ZNF444: variants seen among roughly 807,000 people sequenced by gnomAD.
ZNF444 encodes zinc finger protein 444, also known as endothelial zinc finger protein 2.
In ZNF444, 8 loss-of-function variants were observed where a neutral mutation model predicts 14.4. The observed-to-expected ratio is 0.56, with a 90% CI of 0.33 to 1.00. The LOEUF (loss-of-function observed/expected upper bound fraction) is 1.00. ZNF444 is among the 50% of genes least tolerant of loss of function. ZNF444 has a pLI of 0.03. For synonymous variants in ZNF444, 258 were observed against 235.9 expected (o/e 1.09, Z -0.86); for missense variants, 510 against 504.8 (o/e 1.01, Z -0.10).
chr19:56,153,809 C>T (rs941995131), intron 3 of ZNF444, among the ~76,000 whole-genome samples: 1 of 152,062 alleles, frequency 6.6e-6, no homozygotes, highest in African/African-American at 2.4e-5. Flanking sequence ...CGTCTCAGGT[C>T]GGAATTGAAG....
rs2031095731 is a variant in ZNF444, at chr19:56,145,202, T to C, written c.-196-1045T>C. ...TTCAAAATTACTGAAGACCCTAACA[T>C]GCTTTTATTGATGGGAGTCATATCT... On this transcript the variant is annotated intron_variant, in intron 1 of 4. Transcript: ENST00000337080. This position sits in a 1 kb window ranked among gnomAD's most constrained non-coding sequence, Gnocchi z 4.3. 1.3e-5 allele frequency among the ~76,000 whole-genome samples: 2 copies of C among 152,252 alleles called. No homozygotes were observed. The highest frequency in any genetic ancestry group is 4.8e-5 in the African/African-American group (2 of 41,460).
At chr19:56,159,363 C>T (rs537307280) in intron 4 of ZNF444, among the ~76,000 whole-genome samples, 6 of 152,086 alleles carry the variant, frequency 3.9e-5, no homozygotes, top group South Asian at 4.2e-4. Flanking sequence ...CATCCACCCA[C>T]GCATTCTTCA....
Position 56,151,883 on chromosome 19 carries a change from C to T in ZNF444, c.297+4675C>T, listed in dbSNP as rs141726426. The T allele has an allele frequency of 4.1e-3, 1,767 of 432,518 alleles. 82 individuals are homozygous for T. The East Asian group carries it at 0.1, about 25-fold the overall frequency. The allele number at this position is 432,518 out of a possible 1,614,324, so 26.8% of individuals were successfully genotyped here. A position where few individuals can be genotyped will look rare whatever the true frequency, so the allele number is the denominator to read the frequency against. On this transcript the variant is annotated intron_variant, in intron 3 of 4. Coordinates refer to ENST00000337080, the MANE Select transcript of ZNF444 (RefSeq NM_018337.4). Reference sequence around the variant, plus strand: ...TGTATAGACAGCTGACATCTGGGGGCGCTACTGTGGATTGGGGTTTCTTGG... The same window carrying T: ...TGTATAGACAGCTGACATCTGGGGGTGCTACTGTGGATTGGGGTTTCTTGG...
chr19:56,133,042 A>G (rs1247730721), intron 1 of ZNF444, among the ~76,000 whole-genome samples: 1 of 143,056 alleles, frequency 7.0e-6, no homozygotes, highest in African/African-American at 2.6e-5. Context: ...GGTTCAAGCA[A>G]TTCTTCTGCC....
chr19:56,157,875 C>T (rs950444614), intron 3 of ZNF444: 12 of 152,112 alleles, frequency 7.9e-5, no homozygotes, highest in Non-Finnish European at 1.2e-4. Flanking sequence ...TGTAGTAGGG[C>T]GAAGAAACCA....
intron 3 of ZNF444, among the ~76,000 whole-genome samples, chr19:56,152,403 C>T (rs112890191): frequency 0.03 from 4,511 of 149,260 alleles, 246 homozygotes; most frequent in African/African-American, 0.1. Context: ...TGAGGTGATT[C>T]GGGCCTCAGC....
At chr19:56,140,326 G>A (rs2030726622), upstream of ZNF444, among the ~76,000 whole-genome samples, 1 of 92 alleles carries the variant, frequency 0.011, no homozygotes, top group South Asian at 0.17. Flanking sequence ...GAACTGTCTA[G>A]ATAAAAACTT....
chr19:56,160,143 G>A lies in ZNF444; in HGVS notation c.926G>A (p.Gly309Glu), dbSNP rs898407311. Reference sequence around the variant, plus strand: ...GGCCGGGCAGCGGCCAGCGCGCAGGGGGCGGTAGCTCCGGGCCCGGATGGT... The same window carrying A: ...GGCCGGGCAGCGGCCAGCGCGCAGGAGGCGGTAGCTCCGGGCCCGGATGGT... ...IHGRAAASAQGAVAPGPDGGG... is the reference protein window; with the variant it reads ...IHGRAAASAQEAVAPGPDGGG... The change falls in exon 5 of 5, where the codon GGG (glycine) becomes GAG (glutamate). Residue 309 changes from glycine (G) to glutamate (E), a missense_variant. Transcript: ENST00000337080. 4.7e-6 allele frequency: 7 copies of A among 1,483,918 alleles called. No homozygotes were observed. Among genetic ancestry groups the A allele is most frequent in the Admixed American group, 4.7e-5 (2 of 42,578 alleles). The allele number at this position is 1,483,918 out of a possible 1,614,324, so 91.9% of individuals were successfully genotyped here.
intron 1 of ZNF444, chr19:56,141,829 T>C (rs2030842374): frequency 6.6e-6 from 1 of 152,194 alleles, no homozygotes; most frequent in Non-Finnish European, 1.5e-5. Context: ...ACGATGGTTA[T>C]TGTTGTAACG....
In ZNF444 at chr19:56,147,698, C is replaced by T. The variant is rs946291604; in HGVS notation, c.297+490C>T. On this transcript the variant is annotated intron_variant, in intron 3 of 4. Coordinates refer to ENST00000337080, the MANE Select transcript of ZNF444 (RefSeq NM_018337.4). The surrounding 1 kb of genome is among the most constrained non-coding windows in gnomAD (Gnocchi z 5.9). Reference sequence around the variant, plus strand: ...CGCCCCCTGAAAGTCAAGGATACCCCCTGGTCCAAACTCTACCCCAAATTC... The same window carrying T: ...CGCCCCCTGAAAGTCAAGGATACCCTCTGGTCCAAACTCTACCCCAAATTC... Among the ~76,000 whole-genome samples the T allele has an allele frequency of 3.3e-5, 5 of 152,082 alleles. No homozygotes were observed. Among genetic ancestry groups the T allele is most frequent in the African/African-American group, 1.2e-4 (5 of 41,414 alleles).
At chr19:56,153,432 G>T (rs1021284975) in intron 3 of ZNF444, among the ~76,000 whole-genome samples, 1 of 152,172 alleles carries the variant, frequency 6.6e-6, no homozygotes, top group Admixed American at 6.5e-5. Flanking sequence ...CTCGTTGAGG[G>T]AATGGCTAAC....
upstream of ZNF444, among the ~76,000 whole-genome samples, chr19:56,140,301 CCA>C (rs2030725202): frequency 7.5e-6 from 1 of 133,386 alleles, no homozygotes; most frequent in South Asian, 2.6e-4. Context: ...CTTGTATGAG[CCA>C]TAATCAGGTC....
chr19:56,148,352 A>C (rs528159584), intron 3 of ZNF444, among the ~76,000 whole-genome samples: 1 of 152,260 alleles, frequency 6.6e-6, no homozygotes, highest in Non-Finnish European at 1.5e-5. Flanking sequence ...CCCCAGTGGC[A>C]GGAGGGTGAA....
intron 1 of ZNF444, among the ~76,000 whole-genome samples, chr19:56,135,375 C>G (rs1454061442): frequency 6.6e-6 from 1 of 152,162 alleles, no homozygotes; most frequent in Non-Finnish European, 1.5e-5. Flanking sequence ...CAACAGACAA[C>G]TTGACTCAAA....
chr19:56,146,714 G>A (rs1211538082), intron 2 of ZNF444, among the ~76,000 whole-genome samples, 176 bp from the exon 3 acceptor site: 1 of 152,178 alleles, frequency 6.6e-6, no homozygotes, highest in African/African-American at 2.4e-5. Flanking sequence ...GCCTGAACCC[G>A]GGAGCTGAGG....
chr19:56,142,935 G>T (rs952597924), intron 1 of ZNF444, among the ~76,000 whole-genome samples: 2 of 152,148 alleles, frequency 1.3e-5, no homozygotes, highest in South Asian at 4.1e-4. Context: ...CACTCTCTGA[G>T]CATCTCCCTA....
In ZNF444 at chr19:56,159,652, G is replaced by A. The variant is rs1333563685; in HGVS notation, c.435G>A (p.Pro145=). Residue 145 remains proline (P), a synonymous_variant, in exon 5 of 5, where the codon CCG becomes CCA. Transcript: ENST00000337080. ...LAGTAPGAEG[P]APGDSQAVRP... is the part of the protein sequence containing the mutation. ...GCACCGCCCCTGGGGCTGAGGGGCC[G>A]GCGCCTGGGGACTCCCAGGCTGTGC... is the stretch of plus-strand genomic sequence containing the variant. The A allele has an allele frequency of 6.2e-6, 9 of 1,459,104 alleles. No homozygotes were observed. 90.4% of individuals were successfully genotyped at this position (1,459,104 alleles called of 1,614,324 possible).
intron 3 of ZNF444, among the ~76,000 whole-genome samples, chr19:56,153,432 G>C (rs1021284975): frequency 6.6e-6 from 1 of 152,172 alleles, no homozygotes; most frequent in Admixed American, 6.5e-5. Flanking sequence ...CTCGTTGAGG[G>C]AATGGCTAAC....
Position 56,135,230 on chromosome 19 carries a change from C to CA in ZNF444, c.-197+2460dup, listed in dbSNP as rs1038619260. ...TGGGTGACAGGGCGAGACTCTGTCTCAAAAAAAAGAAAAAAATGTCAAGAT... is the reference window on the plus strand; with the variant it reads ...TGGGTGACAGGGCGAGACTCTGTCTCAAAAAAAAAGAAAAAAATGTCAAGAT... On this transcript the variant is annotated intron_variant, in intron 1 of 2. Coordinates refer to the ZNF444 transcript ENST00000587467. 2.0e-5 allele frequency among the ~76,000 whole-genome samples: 3 copies of CA among 151,124 alleles called. 1 individual carries two copies. The highest frequency in any genetic ancestry group is 1.3e-4 in the Admixed American group (2 of 15,166).
Sources: allele counts gnomAD v4.1 joint callset (sites outside exome capture counted in the v4.1 genomes callset), GRCh38; gene constraint gnomAD v4.1.1; non-coding constraint Gnocchi (gnomAD v3.1); transcripts MANE v1.5; gene names NCBI Gene and HGNC (gene_info 2026-07-23, HGNC 2026-07-21).